Variants in CFH observed in about 807,000 individuals in gnomAD.
The protein encoded by CFH is H factor 1 (complement).
CFH carries 53 observed loss-of-function variants against 147.3 expected under a neutral mutation model. The observed-to-expected ratio is 0.36, with a 90% confidence interval of 0.29 to 0.45. The LOEUF is 0.45. CFH is among the 20% of genes least tolerant of loss of function. CFH has a pLI of 1.00. For synonymous variants in CFH, 536 were observed against 489.4 expected (o/e 1.10, Z -1.26); for missense variants, 1,380 against 1,498.0 (o/e 0.92, Z 1.30).
At chr1:196,676,932 T>C (rs1229625115) in intron 4 of CFH, 2 of 152,606 alleles carry the variant, frequency 1.3e-5, no homozygotes, top group Non-Finnish European at 2.9e-5. Flanking sequence ...AAAATTTTTA[T>C]TTTAACAAGC....
chr1:196,696,382 G>A (rs1329551654), intron 9 of CFH, among the ~76,000 whole-genome samples: 1 of 152,122 alleles, frequency 6.6e-6, no homozygotes, highest in African/African-American at 2.4e-5. Context: ...TTGAAAGTAA[G>A]GCAGAAGTAA....
chr1:196,679,890 C>G, intron 6 of CFH, 97 bp downstream of exon 6: 7 of 1,090,272 alleles, frequency 6.4e-6, no homozygotes, highest in Non-Finnish European at 9.4e-6. Flanking sequence ...AAGTAGAGTG[C>G]TAATTTATGT....
chr1:196,744,528 T>C (rs1652934956), intron 20 of CFH, among the ~76,000 whole-genome samples: 2 of 152,158 alleles, frequency 1.3e-5, no homozygotes, highest in Non-Finnish European at 2.9e-5. Context: ...CTCTAGCTAA[T>C]ACTATATATG....
At chr1:196,679,830 T>C in intron 6 of CFH, 37 bp downstream of exon 6, 1 of 1,545,652 alleles carries the variant, frequency 6.5e-7, no homozygotes. Flanking sequence ...TTTATAAATT[T>C]ATCACATATT....
At chr1:196,665,123 T>C (rs1667037827) in intron 1 of CFH, among the ~76,000 whole-genome samples, 1 of 151,688 alleles carries the variant, frequency 6.6e-6, no homozygotes, top group African/African-American at 2.4e-5. Context: ...CTTAAGTAAA[T>C]GATCTATCCT....
At chr1:196,691,217 A>G (rs1365631058) in intron 9 of CFH, among the ~76,000 whole-genome samples, 1 of 152,098 alleles carries the variant, frequency 6.6e-6, no homozygotes, top group Non-Finnish European at 1.5e-5. Context: ...TATAGTTTAA[A>G]ATAGAAAGTA....
At chr1:196,684,921 G>T in intron 6 of CFH, 143 bp from the exon 7 acceptor site, 1 of 669,876 alleles carries the variant, frequency 1.5e-6, no homozygotes, top group Non-Finnish European at 2.6e-6. Context: ...TACCAGAAAG[G>T]ATACTATGAT....
intron 19 of CFH, among the ~76,000 whole-genome samples, chr1:196,742,786 T>G (rs886763459): frequency 6.6e-6 from 1 of 152,204 alleles, no homozygotes; most frequent in African/African-American, 2.4e-5. Context: ...CACATGGATA[T>G]GAAACTCTCT....
At chr1:196,693,523 C>T (rs929606005) in intron 9 of CFH, among the ~76,000 whole-genome samples, 3 of 152,036 alleles carry the variant, frequency 2.0e-5, no homozygotes, top group Non-Finnish European at 4.4e-5. Context: ...TATGTTTTTC[C>T]ACCTGATAAC....
intron 1 of CFH, among the ~76,000 whole-genome samples, chr1:196,655,355 G>A (rs147525674): frequency 1.2e-4 from 18 of 152,282 alleles, no homozygotes; most frequent in Middle Eastern, 3.4e-3. Flanking sequence ...AGCCTGAGAC[G>A]TCTGCCAAGG....
intron 9 of CFH, among the ~76,000 whole-genome samples, chr1:196,694,695 T>C (rs1668190130): frequency 1.3e-5 from 2 of 152,238 alleles, no homozygotes; most frequent in African/African-American, 2.4e-5. Flanking sequence ...TGATCGGCAT[T>C]CTAACTGGCG....
intron 1 of CFH, among the ~76,000 whole-genome samples, chr1:196,667,082 G>A (rs1280626590): frequency 1.3e-5 from 2 of 152,092 alleles, no homozygotes; most frequent in African/African-American, 2.4e-5. Context: ...GAAACAGTGT[G>A]CTTAAATCTC....
intron 15 of CFH, among the ~76,000 whole-genome samples, chr1:196,732,622 C>T (rs1286904819): frequency 6.6e-6 from 1 of 151,870 alleles, no homozygotes; most frequent in African/African-American, 2.4e-5. Context: ...AGGAGAAAGA[C>T]CTCACTAATT....
chr1:196,716,369 C>T (rs940758825), intron 11 of CFH, among the ~76,000 whole-genome samples: 7 of 152,088 alleles, frequency 4.6e-5, no homozygotes, highest in African/African-American at 7.2e-5. Flanking sequence ...AAAGCAGAGT[C>T]TATCCTGCTG....
chr1:196,677,968 A>G (rs1573014169), intron 5 of CFH: 1 of 373,406 alleles, frequency 2.7e-6, no homozygotes, highest in Non-Finnish European at 5.1e-6. Flanking sequence ...ATTTAAATGT[A>G]GGTTATCTGA....
At chr1:196,714,635 G>GTATATATATGTATATATA (rs1668806818) in intron 10 of CFH, among the ~76,000 whole-genome samples, 1 of 24,924 alleles carries the variant, frequency 4.0e-5, no homozygotes, top group African/African-American at 1.7e-4. Context: ...ACGTATATAT[G>GTATATATATGTATATATA]TATATATATA....
At chr1:196,665,417 A>T (rs1051400501) in intron 1 of CFH, among the ~76,000 whole-genome samples, 8 of 151,212 alleles carry the variant, frequency 5.3e-5, no homozygotes, top group African/African-American at 1.9e-4. Context: ...AGTAAGTTAA[A>T]ATGACATATC....
At chr1:196,728,100 T>C (rs1669189520) in intron 14 of CFH, among the ~76,000 whole-genome samples, 1 of 152,098 alleles carries the variant, frequency 6.6e-6, no homozygotes, top group Admixed American at 6.6e-5. Context: ...ATATTTTGTA[T>C]TTCCCAAAGA....
At chr1:196,707,877 C>G (rs987079521) in intron 9 of CFH, among the ~76,000 whole-genome samples, 2 of 152,054 alleles carry the variant, frequency 1.3e-5, no homozygotes, top group African/African-American at 4.8e-5. Flanking sequence ...AGGTGAGATA[C>G]CTTCCTGTCT....
Sources: gnomAD v4.1 joint callset for allele counts (sites outside exome capture counted in the v4.1 genomes callset) on GRCh38, gnomAD v4.1.1 for gene constraint, MANE v1.5 for transcripts, NCBI Gene and HGNC (gene_info 2026-07-23, HGNC 2026-07-21) for gene names.